The following DIP2C variants were observed in gnomAD, a reference collection of about 807,000 sequenced individuals.
DIP2C encodes DIP2 acetate--CoA ligase C (putative), also known as disco-interacting protein 2 homolog C.
In DIP2C, 33 loss-of-function variants were observed where a neutral mutation model predicts 192.4. That is an observed-to-expected ratio of 0.17 (90% CI 0.13 to 0.23). The LOEUF is 0.23. DIP2C is among the 10% of genes least tolerant of loss of function. The pLI, the probability that DIP2C is intolerant of heterozygous loss-of-function variation, is 1.00. For missense variants in DIP2C, 1,537 were observed against 2,110.1 expected (o/e 0.73, Z 5.32); for synonymous variants, 979 against 864.1 (o/e 1.13, Z -2.33).
At chr10:313,681 A>G (rs1241175317) in intron 31 of DIP2C, among the ~76,000 whole-genome samples, 1 of 152,272 alleles carries the variant, frequency 6.6e-6, no homozygotes, top group East Asian at 1.9e-4. Context: ...AGGTATCCAC[A>G]GGGAGTCTGG....
intron 1 of DIP2C, among the ~76,000 whole-genome samples, chr10:670,107 C>A (rs1440059784): frequency 2.0e-5 from 3 of 152,080 alleles, no homozygotes; most frequent in African/African-American, 7.2e-5. Context: ...CACATCCACA[C>A]GTGTACATAT....
At chr10:630,575 A>G (rs1428237061) in intron 1 of DIP2C, 1 of 152,284 alleles carries the variant, frequency 6.6e-6, no homozygotes, top group African/African-American at 2.4e-5. Context: ...ACATGTCCCC[A>G]AAGTGAAGCA....
chr10:506,063 G>A (rs921376290), intron 1 of DIP2C, among the ~76,000 whole-genome samples: 1 of 152,222 alleles, frequency 6.6e-6, no homozygotes, highest in Non-Finnish European at 1.5e-5. Flanking sequence ...ACAAGGGAGT[G>A]CTGGTATGTG....
rs112052017 is a variant in DIP2C at position 407,707 on chromosome 10, C to T, written c.1149+1219G>A. The stretch of plus-strand genomic sequence containing the variant: ...GCTGAGCATCTTTTCATGTGTTTAT[C>T]GGCCACTGCTAAATCTTTGGAGAAA... On this transcript the variant is annotated intron_variant, in intron 9 of 36. Transcript: ENST00000280886. Among the ~76,000 whole-genome samples the T allele has an allele frequency of 8.9e-3, 1,355 of 152,200 alleles. 22 individuals carry two copies. The highest frequency in any genetic ancestry group is 0.03 in the African/African-American group (1,256 of 41,520).
At chr10:419,400 G>A (rs968538635) in intron 5 of DIP2C, among the ~76,000 whole-genome samples, 3 of 152,250 alleles carry the variant, frequency 2.0e-5, no homozygotes, top group Admixed American at 6.5e-5. Flanking sequence ...TGCCGCAAAT[G>A]GAGCAGAGTT....
At chr10:603,860 G>C (rs1026388148) in intron 1 of DIP2C, among the ~76,000 whole-genome samples, 1 of 152,092 alleles carries the variant, frequency 6.6e-6, no homozygotes, top group Non-Finnish European at 1.5e-5. Flanking sequence ...CCAAATCAGA[G>C]GCCACCATGC....
At chr10:434,769 T>C (rs192326759) in intron 4 of DIP2C, among the ~76,000 whole-genome samples, 285 of 152,334 alleles carry the variant, frequency 1.9e-3, no homozygotes, top group African/African-American at 6.0e-3. Flanking sequence ...GGCATTTTTT[T>C]CCTCTCAATA....
intron 1 of DIP2C, among the ~76,000 whole-genome samples, chr10:614,188 G>A (rs778878520): frequency 6.6e-6 from 1 of 152,184 alleles, no homozygotes; most frequent in South Asian, 2.1e-4. Context: ...TGGGTTCCAC[G>A]GTGGCTAGGA....
intron 1 of DIP2C, among the ~76,000 whole-genome samples, chr10:548,945 AAAG>A (rs1357368383): frequency 1.4e-5 from 2 of 140,222 alleles, no homozygotes; most frequent in African/African-American, 2.5e-5. Context: ...AAAAGTGAGT[AAAG>A]AAAAAATTCA....
chr10:657,660 CCTGGACCTGCCG>C (rs1468790916), intron 1 of DIP2C, among the ~76,000 whole-genome samples: 11 of 92,872 alleles, frequency 1.2e-4, no homozygotes, highest in African/African-American at 3.9e-4. Context: ...TGGACCTGTC[CCTGGACCTGCCG>C]CTGGACCTGA....
intron 3 of DIP2C, among the ~76,000 whole-genome samples, chr10:470,248 G>A (rs921336724): frequency 6.6e-6 from 1 of 152,166 alleles, no homozygotes; most frequent in Non-Finnish European, 1.5e-5. Flanking sequence ...TCAGGATGGG[G>A]AACGGGAGAG....
At chr10:566,739 C>T (rs997113245) in intron 1 of DIP2C, among the ~76,000 whole-genome samples, 1 of 152,238 alleles carries the variant, frequency 6.6e-6, no homozygotes, top group Non-Finnish European at 1.5e-5. Context: ...AAGCAGGGTA[C>T]AGCCGTGGCC....
rs562045108 is a variant in DIP2C, at chr10:526,554, G to A, written c.86-40024C>T. ...CCAAAAAAAAAAAAAAAAATCCGTG[G>A]CATTTAATAAAAAATTCTTTTATGT... On this transcript the variant is annotated intron_variant, in intron 1 of 36. Coordinates refer to ENST00000280886, the MANE Select transcript of DIP2C (RefSeq NM_014974.3). 1.8e-3 allele frequency among the ~76,000 whole-genome samples: 279 copies of A among 150,928 alleles called. 1 individual carries two copies. Among genetic ancestry groups the A allele is most frequent in the Middle Eastern group, 6.9e-3 (2 of 288 alleles).
intron 14 of DIP2C, among the ~76,000 whole-genome samples, chr10:386,581 A>T (rs1962943870): frequency 6.6e-6 from 1 of 152,146 alleles, no homozygotes; most frequent in South Asian, 2.1e-4. Context: ...CAGCATCCAG[A>T]CTTGAGAGAC....
At chr10:485,296 G>A (rs537250726) in intron 2 of DIP2C, among the ~76,000 whole-genome samples, 1 of 152,362 alleles carries the variant, frequency 6.6e-6, no homozygotes, top group African/African-American at 2.4e-5. Flanking sequence ...GGGGGCAGCT[G>A]TCGCCCCATG....
chr10:507,136 CTG>C (rs1845653463), intron 1 of DIP2C, among the ~76,000 whole-genome samples: 1 of 151,594 alleles, frequency 6.6e-6, no homozygotes, highest in African/African-American at 2.4e-5. Context: ...TGGTCACCCA[CTG>C]TGCAGTCAGA....
chr10:665,482 A>T (rs1424712828), intron 1 of DIP2C: 1 of 152,172 alleles, frequency 6.6e-6, no homozygotes, highest in Non-Finnish European at 1.5e-5. Context: ...GTTCCAGGAA[A>T]CTTCACATAA....
chr10:656,892 A>G (rs1856368956), intron 1 of DIP2C, among the ~76,000 whole-genome samples: 1 of 152,252 alleles, frequency 6.6e-6, no homozygotes, highest in Admixed American at 6.5e-5. Context: ...CACAAAGAGC[A>G]TGGAACTTTG....
intron 34 of DIP2C, among the ~76,000 whole-genome samples, chr10:285,219 G>A (rs1056529818): frequency 5.9e-5 from 9 of 152,114 alleles, no homozygotes; most frequent in African/African-American, 1.9e-4. Context: ...AACTGGGGAG[G>A]GCTTGCTCAT....
Sources: allele counts gnomAD v4.1 joint callset (sites outside exome capture counted in the v4.1 genomes callset), GRCh38; gene constraint gnomAD v4.1.1; transcripts MANE v1.5; gene names NCBI Gene and HGNC (gene_info 2026-07-23, HGNC 2026-07-21).